DPH6: variants seen among roughly 807,000 people sequenced by gnomAD.
DPH6 encodes diphthamine biosynthesis 6, also known as diphthine--ammonia ligase.
A neutral mutation model predicts 38.2 loss-of-function variants in DPH6; 33 were observed. The observed-to-expected ratio is 0.86, with a 90% CI of 0.65 to 1.15. The LOEUF is 1.15. Among genes scored for constraint, DPH6 ranks in the 50% most tolerant of loss-of-function variants. The probability of loss-of-function intolerance (pLI) is 0.00; values close to 1 mark genes in which losing one functional copy is unlikely to be tolerated. For missense variants in DPH6, 325 were observed against 320.0 expected, an observed-to-expected ratio of 1.02 and a Z score of -0.12; for synonymous variants, 108 against 103.0, an observed-to-expected ratio of 1.05 and a Z score of -0.30.
rs182967875 is a variant in DPH6 at position 35,409,409 on chromosome 15, T to C, written c.567+1426A>G. Among the ~76,000 whole-genome samples, 48 of 152,088 alleles carry C rather than the reference T, an allele frequency of 3.2e-4. No homozygotes were observed. The South Asian group carries it at 3.9e-3, about 12-fold the overall frequency. On this transcript the variant is annotated intron_variant, in intron 6 of 8. Coordinates refer to ENST00000256538, the MANE Select transcript of DPH6 (RefSeq NM_080650.4). ...AGTTGAGGAACTTGCTGAAGAATCA[T>C]TGAATAAAATGATTTCTGCATTTTG...
At position 35,371,508 on chromosome 15, in the gene DPH6, T is replaced by C; in HGVS notation, c.*642A>G. 7.7e-6 allele frequency: 7 copies of C among 907,796 alleles called. No individual in the cohort carries two copies. Among genetic ancestry groups the C allele is most frequent in the Non-Finnish European group, 7.9e-6 (6 of 759,438 alleles). The allele number at this position is 907,796 out of a possible 1,614,324, so 56.2% of individuals were successfully genotyped here. A position where few individuals can be genotyped will look rare whatever the true frequency, so the allele number is the denominator to read the frequency against. On this transcript the variant is annotated 3_prime_UTR_variant, in exon 9 of 9. Coordinates refer to ENST00000256538, the MANE Select transcript of DPH6 (RefSeq NM_080650.4). ...TTCTGCTCCATTTTTGCTGTGAACC[T>C]AAAACTGTTCTAAAACATAAAGTCT...
chr15:35,428,177 G>GT (rs938328821), intron 5 of DPH6, among the ~76,000 whole-genome samples: 12 of 151,998 alleles, frequency 7.9e-5, no homozygotes, highest in Non-Finnish European at 1.5e-4. Context: ...TAATAAGACA[G>GT]TTTTTTTATG....
At chr15:35,500,686 C>G (rs1248696567) in intron 3 of DPH6, among the ~76,000 whole-genome samples, 1 of 152,146 alleles carries the variant, frequency 6.6e-6, no homozygotes, top group African/African-American at 2.4e-5. Context: ...GTGATATCTT[C>G]CATAATTTTG....
chr15:35,208,284 A>G, the DPH6 span, among the ~76,000 whole-genome samples: 1 of 152,222 alleles, frequency 6.6e-6, no homozygotes, highest in East Asian at 1.9e-4. Context: ...AAAATAAAGC[A>G]CAAATTCAGA....
intron 3 of DPH6, among the ~76,000 whole-genome samples, chr15:35,361,331 G>C (rs1316281150): frequency 6.6e-6 from 1 of 152,088 alleles, no homozygotes; most frequent in East Asian, 1.9e-4. Flanking sequence ...TATGAGCTGG[G>C]GAACCTCATT....
At chr15:35,409,291 T>C (rs1317870877) in intron 6 of DPH6, among the ~76,000 whole-genome samples, 1 of 151,674 alleles carries the variant, frequency 6.6e-6, no homozygotes. Context: ...GGTGAAGGGA[T>C]TTTAAATTTG....
intron 6 of DPH6, among the ~76,000 whole-genome samples, chr15:35,389,616 G>A (rs546725333): frequency 1.3e-5 from 2 of 152,182 alleles, no homozygotes; most frequent in South Asian, 4.2e-4. Context: ...TGTCTCTTTC[G>A]ATCTTTGTTG....
chr15:35,224,242 G>C (rs2051464037), intron 3 of DPH6, among the ~76,000 whole-genome samples: 1 of 151,442 alleles, frequency 6.6e-6, no homozygotes, highest in Admixed American at 6.6e-5. Context: ...GAGTAGCTAG[G>C]ATCACAGGCA....
At chr15:35,162,229 A>T in the DPH6 span, among the ~76,000 whole-genome samples, 1 of 151,798 alleles carries the variant, frequency 6.6e-6, no homozygotes, top group South Asian at 2.1e-4. Flanking sequence ...TATTCTCCAC[A>T]CAGCAGCCAA....
At chr15:35,498,894 T>C (rs1266007067) in intron 3 of DPH6, among the ~76,000 whole-genome samples, 1 of 144,562 alleles carries the variant, frequency 6.9e-6, no homozygotes, top group Non-Finnish European at 1.5e-5. Context: ...AATTACTTGA[T>C]GCCAGGACTT....
At chr15:35,319,316 GA>G (rs1424880069) in intron 3 of DPH6, among the ~76,000 whole-genome samples, 1 of 151,764 alleles carries the variant, frequency 6.6e-6, no homozygotes, top group East Asian at 1.9e-4. Context: ...TGTAGATGCT[GA>G]AAAAAAAGCA....
intron 3 of DPH6, among the ~76,000 whole-genome samples, chr15:35,264,004 C>T (rs888305987): frequency 6.6e-5 from 10 of 152,010 alleles, no homozygotes; most frequent in African/African-American, 1.5e-4. Context: ...TGAGCCACCG[C>T]GCCCAACATA....
intron 3 of DPH6, among the ~76,000 whole-genome samples, chr15:35,302,298 C>T (rs2052059709): frequency 6.6e-6 from 1 of 152,138 alleles, no homozygotes; most frequent in South Asian, 2.1e-4. Context: ...AATCTCTTTT[C>T]TACTATCAAA....
At chr15:35,180,321 C>A in the DPH6 span, among the ~76,000 whole-genome samples, 1 of 151,942 alleles carries the variant, frequency 6.6e-6, no homozygotes, top group Non-Finnish European at 1.5e-5. Flanking sequence ...CACTAATTTA[C>A]ACTAAATGTA....
intron 3 of DPH6, among the ~76,000 whole-genome samples, chr15:35,491,263 A>C: frequency 6.6e-6 from 1 of 152,098 alleles, no homozygotes; most frequent in African/African-American, 2.4e-5. Flanking sequence ...CAAAAAAGTT[A>C]ATGAACGCCT....
At chr15:35,195,503 C>A in the DPH6 span, among the ~76,000 whole-genome samples, 1 of 152,164 alleles carries the variant, frequency 6.6e-6, no homozygotes, top group Admixed American at 6.5e-5. Flanking sequence ...CAGATTCAAG[C>A]CTGGGAGACC....
intron 3 of DPH6, among the ~76,000 whole-genome samples, chr15:35,361,119 G>A (rs746220953): frequency 7.2e-5 from 11 of 152,092 alleles, no homozygotes; most frequent in African/African-American, 2.4e-4. Context: ...CTGAGACTAC[G>A]GGAGAATAGG....
intron 3 of DPH6, among the ~76,000 whole-genome samples, chr15:35,304,093 C>T (rs967229948): frequency 6.6e-6 from 1 of 152,004 alleles, no homozygotes; most frequent in Non-Finnish European, 1.5e-5. Flanking sequence ...TGAACTGATA[C>T]ACTGATGTGG....
At chr15:35,495,733 C>G (rs912502029) in intron 3 of DPH6, among the ~76,000 whole-genome samples, 1 of 152,104 alleles carries the variant, frequency 6.6e-6, no homozygotes, top group Non-Finnish European at 1.5e-5. Flanking sequence ...AAACTGGCAA[C>G]TTGATCCTAA....
Sources: allele counts gnomAD v4.1 joint callset (sites outside exome capture counted in the v4.1 genomes callset), GRCh38; gene constraint gnomAD v4.1.1; transcripts MANE v1.5; gene names NCBI Gene and HGNC (gene_info 2026-07-23, HGNC 2026-07-21).